Variants in ANKRD46 observed in about 807,000 individuals in gnomAD.
ANKRD46 encodes ankyrin repeat domain-containing protein 46.
In ANKRD46, 13 loss-of-function variants were observed where a neutral mutation model predicts 19.8. That is an observed-to-expected ratio of 0.66 (90% CI 0.43 to 1.04). ANKRD46 has a LOEUF of 1.04. Ranked by LOEUF, ANKRD46 falls within the 50% of genes least tolerant of loss-of-function variation. The pLI, the probability that ANKRD46 is intolerant of heterozygous loss-of-function variation, is 0.00. For missense variants in ANKRD46, 185 were observed against 274.8 expected (o/e 0.67, Z 2.31); for synonymous variants, 91 against 106.9 (o/e 0.85, Z 0.92).
At chr8:100,515,277 T>C (rs17349757) in intron 5 of ANKRD46, among the ~76,000 whole-genome samples, 8,847 of 152,298 alleles carry the variant, frequency 0.058, 337 homozygotes, top group Non-Finnish European at 0.075. Flanking sequence ...CAGTACAAAA[T>C]GTGGTAACAT....
In ANKRD46 at chr8:100,543,267, G is replaced by T. The variant is rs1351236093; in HGVS notation, c.-130-9956C>A. ...CACTGTCAATTAAAACTGATTCCCA[G>T]TGTTAGCAACTGTTGATACAAACCT... On this transcript the variant is annotated intron_variant, in intron 1 of 4. Coordinates refer to ENST00000335659, the MANE Select transcript of ANKRD46 (RefSeq NM_001270377.2). This position sits in a 1 kb window ranked among gnomAD's most constrained non-coding sequence, Gnocchi z 4.2. 6.6e-6 allele frequency among the ~76,000 whole-genome samples: 1 copy of T among 152,176 alleles called. No individual in the cohort carries two copies. The highest frequency in any genetic ancestry group is 1.5e-5 in the Non-Finnish European group (1 of 68,028).
At chr8:100,515,526 G>C (rs1432646828) in intron 5 of ANKRD46, among the ~76,000 whole-genome samples, 1 of 152,124 alleles carries the variant, frequency 6.6e-6, no homozygotes, top group Non-Finnish European at 1.5e-5. Context: ...CTATCAGCTT[G>C]ATGAAAAGAT....
At chr8:100,514,617 C>CTTTTTTGTTTTTTTTTTT (rs1811598892) in intron 5 of ANKRD46, among the ~76,000 whole-genome samples, 1 of 74,032 alleles carries the variant, frequency 1.4e-5, no homozygotes, top group Admixed American at 2.0e-4. Context: ...CCTCCATCTT[C>CTTTTTTGTTTTTTTTTTT]TTTTTTTTTT....
chr8:100,518,831 G>A (rs552193779), downstream of ANKRD46, among the ~76,000 whole-genome samples: 170 of 150,118 alleles, frequency 1.1e-3, no homozygotes, highest in African/African-American at 3.7e-3. Context: ...CAGCCTGGGC[G>A]ACAGAGCGAG....
chr8:100,531,570 T>G (rs1388169103), intron 2 of ANKRD46, among the ~76,000 whole-genome samples: 1 of 152,172 alleles, frequency 6.6e-6, no homozygotes, highest in Non-Finnish European at 1.5e-5. Context: ...TTTAATGAAT[T>G]TAATTTAATC....
At position 100,550,837 on chromosome 8, in the gene ANKRD46, C is replaced by T. The variant is rs72679767; in HGVS notation, c.-131+8874G>A. 1.9e-3 allele frequency: 907 copies of T among 466,112 alleles called. 4 individuals carry two copies. Among genetic ancestry groups the T allele is most frequent in the Non-Finnish European group, 2.8e-3 (687 of 243,694 alleles). 28.9% of individuals were successfully genotyped at this position (466,112 alleles called of 1,614,324 possible). A position where few individuals can be genotyped will look rare whatever the true frequency, so the allele number is the denominator to read the frequency against. ...CTGAGGGCAATGGCAGCCCCAGCAT[C>T]GAAAGTGGAAGAGTGAGTGTCACTG... is the stretch of plus-strand genomic sequence containing the variant. On this transcript the variant is annotated intron_variant, in intron 1 of 4. Transcript: ENST00000335659. This position sits in a 1 kb window ranked among gnomAD's most constrained non-coding sequence, Gnocchi z 4.4.
At chr8:100,518,172 AAG>A (rs1811664155), downstream of ANKRD46, among the ~76,000 whole-genome samples, 1 of 151,900 alleles carries the variant, frequency 6.6e-6, no homozygotes, top group African/African-American at 2.4e-5. Context: ...GCCTGGGTGA[AAG>A]AGTGAGACTC....
Position 100,534,269 on chromosome 8 carries a change from T to C in ANKRD46, c.-130-958A>G, listed in dbSNP as rs1812020262. ...TTTACAATATGTAAGTCAGGTTGTA[T>C]CATAAAGGCTATCAGTGCTAGGCTG... On this transcript the variant is annotated intron_variant, in intron 1 of 4. Transcript: ENST00000335659. This position sits in a 1 kb window ranked among gnomAD's most constrained non-coding sequence, Gnocchi z 4.2. Among the ~76,000 whole-genome samples, 1 of 152,210 alleles carries C rather than the reference T, an allele frequency of 6.6e-6. No individual in the cohort carries two copies. Among genetic ancestry groups the C allele is most frequent in the Non-Finnish European group, 1.5e-5 (1 of 68,040 alleles).
chr8:100,516,440 A>G (rs750331761), downstream of ANKRD46, among the ~76,000 whole-genome samples: 4 of 152,234 alleles, frequency 2.6e-5, no homozygotes, highest in Non-Finnish European at 5.9e-5. Context: ...TATGTTCCAG[A>G]AATCAAAAAG....
chr8:100,557,927 C>A lies in ANKRD46; in HGVS notation c.-131+1784G>T, dbSNP rs1812533003. Among the ~76,000 whole-genome samples, 1 of 152,154 alleles carries A rather than the reference C, an allele frequency of 6.6e-6. No individual in the cohort carries two copies. On this transcript the variant is annotated intron_variant, in intron 1 of 4. Coordinates refer to ENST00000335659, the MANE Select transcript of ANKRD46 (RefSeq NM_001270377.2). This position sits in a 1 kb window ranked among gnomAD's most constrained non-coding sequence, Gnocchi z 5.9. ...TCCTAGTAACTGTTACCATCTGACT[C>A]CAGATACGTTAACTTTCACAAATCC...
At chr8:100,556,827 C>T (rs1012852434) in intron 1 of ANKRD46, 3 of 152,176 alleles carry the variant, frequency 2.0e-5, no homozygotes, top group Admixed American at 6.5e-5. Flanking sequence ...ACTCCATACT[C>T]GCTTCTTTTT....
At position 100,529,829 on chromosome 8, in the gene ANKRD46, G is replaced by A. The variant is rs773423022; in HGVS notation, c.5C>T (p.Ser2Leu). The A allele has an allele frequency of 2.7e-5, 44 of 1,613,552 alleles. No individual in the cohort carries two copies. The highest frequency in any genetic ancestry group is 2.1e-4 in the South Asian group (19 of 91,060). Residue 2 changes from serine (S) to leucine (L), a missense_variant, in exon 3 of 5, where the codon TCG (serine) becomes TTG (leucine). Ser to Leu is a moderately radical substitution (Grantham distance 145). Coordinates refer to ENST00000335659, the MANE Select transcript of ANKRD46 (RefSeq NM_001270377.2). The surrounding 1 kb of genome is among the most constrained non-coding windows in gnomAD (Gnocchi z 5.8). ...AGAAGAATCATTTACAAAAACATAC[G>A]ACATTGTTCTGATGTGGTGGATGGA... M[S>L]YVFVNDSSQT... is the part of the protein sequence containing the mutation.
In ANKRD46 at chr8:100,510,740, C is replaced by G; in HGVS notation, c.637-101G>C. 9.3e-7 allele frequency: 1 copy of G among 1,079,462 alleles called. No individual in the cohort carries two copies. The highest frequency in any genetic ancestry group is 1.3e-6 in the Non-Finnish European group (1 of 769,814). 66.9% of individuals were successfully genotyped at this position (1,079,462 alleles called of 1,614,324 possible). On this transcript the variant is annotated intron_variant, in intron 5 of 5. Coordinates refer to the ANKRD46 transcript ENST00000520552. This position sits in a 1 kb window ranked among gnomAD's most constrained non-coding sequence, Gnocchi z 4.9. ...CAGATACAATCATAAATATATAGAACCAGAAAGCACAGGCTTGCTTCTCCT... is the reference window on the plus strand; with the variant it reads ...CAGATACAATCATAAATATATAGAAGCAGAAAGCACAGGCTTGCTTCTCCT...
At position 100,534,308 on chromosome 8, in the gene ANKRD46, T is replaced by C. The variant is rs917320841; in HGVS notation, c.-130-997A>G. 2.6e-5 allele frequency among the ~76,000 whole-genome samples: 4 copies of C among 152,228 alleles called. No homozygotes were observed. Among genetic ancestry groups the C allele is most frequent in the Admixed American group, 1.3e-4 (2 of 15,278 alleles). ...AGTGCTAGGCTGGAACTGATGACAA[T>C]AGCTGACAAACTGTACCTGAGGACC... On this transcript the variant is annotated intron_variant, in intron 1 of 4. Coordinates refer to ENST00000335659, the MANE Select transcript of ANKRD46 (RefSeq NM_001270377.2). This position sits in a 1 kb window ranked among gnomAD's most constrained non-coding sequence, Gnocchi z 4.2.
At position 100,522,326 on chromosome 8, in the gene ANKRD46, C is replaced by T. The variant is rs1811740110; in HGVS notation, c.*229G>A. On this transcript the variant is annotated 3_prime_UTR_variant, in exon 5 of 5. Coordinates refer to ENST00000335659, the MANE Select transcript of ANKRD46 (RefSeq NM_001270377.2). Reference sequence around the variant, plus strand: ...ACAAGGCTACGTGTAGGCTTTCCTACAAAGTCAGGTTGAGTCAGAGGTAGC... The same window carrying T: ...ACAAGGCTACGTGTAGGCTTTCCTATAAAGTCAGGTTGAGTCAGAGGTAGC... 2 of 1,349,646 alleles carry T rather than the reference C, an allele frequency of 1.5e-6. No homozygotes were observed. Among genetic ancestry groups the T allele is most frequent in the Non-Finnish European group, 1.9e-6 (2 of 1,049,342 alleles). The allele number at this position is 1,349,646 out of a possible 1,614,324, so 83.6% of individuals were successfully genotyped here.
chr8:100,554,317 T>TA (rs34255096), intron 1 of ANKRD46, among the ~76,000 whole-genome samples: 1 of 151,952 alleles, frequency 6.6e-6, no homozygotes, highest in Non-Finnish European at 1.5e-5. Flanking sequence ...TGAACAGCAC[T>TA]AAAAAAAAGT....
At chr8:100,548,912 C>T (rs1445235410) in intron 1 of ANKRD46, among the ~76,000 whole-genome samples, 3 of 151,912 alleles carry the variant, frequency 2.0e-5, no homozygotes, top group African/African-American at 7.2e-5. Context: ...AAATAATAAA[C>T]ATTTGTTGAC....
chr8:100,514,904 T>G (rs1811604250), intron 5 of ANKRD46, among the ~76,000 whole-genome samples: 3 of 152,130 alleles, frequency 2.0e-5, no homozygotes. Flanking sequence ...CCTCCCAAAG[T>G]GCTGGGATTA....
At chr8:100,558,210 T>G (rs1166220873) in intron 1 of ANKRD46, among the ~76,000 whole-genome samples, 2 of 152,242 alleles carry the variant, frequency 1.3e-5, no homozygotes, top group Non-Finnish European at 2.9e-5. Context: ...GATAAAGAAC[T>G]GTGAGAATCC....
Sources: allele counts gnomAD v4.1 joint callset (sites outside exome capture counted in the v4.1 genomes callset), GRCh38; gene constraint gnomAD v4.1.1; non-coding constraint Gnocchi (gnomAD v3.1); transcripts MANE v1.5; gene names NCBI Gene and HGNC (gene_info 2026-07-23, HGNC 2026-07-21).